The following SPC24 variants were observed in gnomAD, a reference collection of about 807,000 sequenced individuals.
The protein encoded by SPC24 is SPC24 component of NDC80 kinetochore complex.
SPC24 carries 31 observed loss-of-function variants against 27.6 expected under a neutral mutation model. That is an observed-to-expected ratio of 1.12 (90% confidence interval 0.84 to 1.52). The LOEUF is 1.52. Among genes scored for constraint, SPC24 ranks in the 40% most tolerant of loss-of-function variants. The pLI, the probability that SPC24 is intolerant of heterozygous loss-of-function variation, is 0.00. For missense variants in SPC24, 284 were observed against 252.5 expected (o/e 1.12, Z -0.84); for synonymous variants, 105 against 105.8 (o/e 0.99, Z 0.05).
chr19:11,150,607 C>T (rs1197495589), intron 1 of SPC24, among the ~76,000 whole-genome samples: 1 of 151,436 alleles, frequency 6.6e-6, no homozygotes, highest in African/African-American at 2.4e-5. Flanking sequence ...CCACCCTGGG[C>T]TATGTGGCAA....
rs2077838510 is a variant in SPC24 at position 11,147,872 on chromosome 19, G to C, written c.433C>G (p.Gln145Glu). The C allele has an allele frequency of 1.9e-6, 3 of 1,603,634 alleles. No homozygotes were observed. Among genetic ancestry groups the C allele is most frequent in the Non-Finnish European group, 2.6e-6 (3 of 1,175,034 alleles). Residue 145 changes from glutamine (Q) to glutamate (E), a missense_variant, in exon 4 of 5, where the codon CAA (glutamine) becomes GAA (glutamate). Gln to Glu is a conservative substitution (Grantham distance 29). Coordinates refer to ENST00000592540, the MANE Select transcript of SPC24 (RefSeq NM_182513.4). ...SAVYVAQLYH[Q>E]VSKIEWDYEC... ...TAATCCCACTCAATTTTACTAACTT[G>C]GTGGTAAAGTTGAGCCACGTACCTG...
intron 1 of SPC24, among the ~76,000 whole-genome samples, chr19:11,155,111 G>A (rs1390338983): frequency 1.3e-5 from 2 of 152,114 alleles, no homozygotes. Flanking sequence ...GCTTGAACCC[G>A]GGAGGTGGAG....
chr19:11,147,544 T>G, intron 4 of SPC24: 1 of 564,680 alleles, frequency 1.8e-6, no homozygotes. Context: ...TCTGCCCACC[T>G]CGGCCTCCCA....
chr19:11,147,626 G>T (rs2077836881), intron 4 of SPC24, 192 bp downstream of exon 4: 8 of 605,416 alleles, frequency 1.3e-5, no homozygotes, highest in Admixed American at 2.9e-5. Flanking sequence ...TATAGACGTG[G>T]GGTCTCACTG....
Position 11,147,204 on chromosome 19 carries a change from A to T in SPC24, c.573T>A (p.Ser191Arg). 1 of 1,554,418 alleles carries T rather than the reference A, an allele frequency of 6.4e-7. No individual in the cohort carries two copies. Among genetic ancestry groups the T allele is most frequent in the Non-Finnish European group, 8.7e-7 (1 of 1,148,564 alleles). The change falls in exon 5 of 5, where the codon AGT becomes AGA. Residue 191 changes from serine (S) to arginine (R), a missense_variant. Transcript: ENST00000592540. ...CTGGCTACCACTCGGTGTCCACCAG[A>T]CTCCAGAGGTAGTCGCTGATGAATT... ...SRKFISDYLWSLVDTEW is the reference protein window; with the variant it reads ...SRKFISDYLWRLVDTEW
In SPC24 at chr19:11,149,228, G is replaced by A. The variant is rs2077852287; in HGVS notation, c.171C>T (p.Thr57=). ...GAEKQLREIL[T]MEKEVAQSLL... ...GGCTCTGGGCCACTTCCTTCTCCATGGTGAGGATCTCTGCAGGGTGGAGAG... is the reference window on the plus strand; with the variant it reads ...GGCTCTGGGCCACTTCCTTCTCCATAGTGAGGATCTCTGCAGGGTGGAGAG... The change falls in exon 2 of 5, where the codon ACC becomes ACT. Residue 57 remains threonine (T), a synonymous_variant. Transcript: ENST00000592540. 1 of 1,546,732 alleles carries A rather than the reference G, an allele frequency of 6.5e-7. No homozygotes were observed. The highest frequency in any genetic ancestry group is 1.2e-5 in the South Asian group (1 of 83,342).
chr19:11,155,424 TG>T (rs1467773879), intron 1 of SPC24, among the ~76,000 whole-genome samples, 192 bp downstream of exon 1: 1 of 151,536 alleles, frequency 6.6e-6, no homozygotes, highest in Non-Finnish European at 1.5e-5. Context: ...CCCTGGGGGG[TG>T]GGGGATGGTT....
rs1307127595 is a variant in SPC24, at chr19:11,146,280, CT to C, written c.*902del. On this transcript the variant is annotated 3_prime_UTR_variant, in exon 5 of 5. Coordinates refer to ENST00000592540, the MANE Select transcript of SPC24 (RefSeq NM_182513.4). ...ACACCGTGGCACTCAAACATACCCC[CT>C]GAATGAGTAAGGGCCAACCTTGAAG... is the stretch of plus-strand genomic sequence containing the variant. 6.6e-6 allele frequency: 1 copy of C among 151,522 alleles called. No individual in the cohort carries two copies. The highest frequency in any genetic ancestry group is 1.9e-4 in the East Asian group (1 of 5,162). The allele number at this position is 151,522 out of a possible 1,614,324, so 9.4% of individuals were successfully genotyped here.
At chr19:11,154,952 G>A (rs1243543946) in intron 1 of SPC24, among the ~76,000 whole-genome samples, 6 of 152,164 alleles carry the variant, frequency 3.9e-5, no homozygotes, top group African/African-American at 1.4e-4. Flanking sequence ...TTGGGAGGCT[G>A]AGGCAGGCAG....
At chr19:11,148,798 A>C (rs985395507) in intron 2 of SPC24, among the ~76,000 whole-genome samples, 3 of 151,304 alleles carry the variant, frequency 2.0e-5, no homozygotes, top group Admixed American at 2.0e-4. Context: ...TTGTATTTTT[A>C]GTAGAGACGG....
intron 1 of SPC24, among the ~76,000 whole-genome samples, chr19:11,151,405 T>C (rs1281584304): frequency 6.6e-6 from 1 of 152,082 alleles, no homozygotes; most frequent in Non-Finnish European, 1.5e-5. Flanking sequence ...TCTTGATCGG[T>C]CTGGTTCGGA....
chr19:11,145,748 A>C lies in SPC24; in HGVS notation c.*1435T>G, dbSNP rs2077819182. The C allele has an allele frequency of 1.3e-5, 2 of 152,174 alleles. No individual in the cohort carries two copies. The highest frequency in any genetic ancestry group is 4.1e-4 in the South Asian group (2 of 4,832). The allele number at this position is 152,174 out of a possible 1,614,324, so 9.4% of individuals were successfully genotyped here. A position where few individuals can be genotyped will look rare whatever the true frequency, so the allele number is the denominator to read the frequency against. The stretch of plus-strand genomic sequence containing the variant: ...TCACACCCACATTCCAGGAAATAGG[A>C]AGGGGGAAGAAAGGGTGTATTTGTC... On this transcript the variant is annotated 3_prime_UTR_variant, in exon 5 of 5. Coordinates refer to ENST00000592540, the MANE Select transcript of SPC24 (RefSeq NM_182513.4).
chr19:11,149,140 G>C lies in SPC24; in HGVS notation c.259C>G (p.Leu87Val). 1 of 1,549,560 alleles carries C rather than the reference G, an allele frequency of 6.5e-7. No individual in the cohort carries two copies. Among genetic ancestry groups the C allele is most frequent in the South Asian group, 1.2e-5 (1 of 83,938 alleles). The change falls in exon 2 of 5, where the codon CTT becomes GTT. Residue 87 changes from leucine (L) to valine (V), a missense_variant. Leu to Val is a conservative substitution (Grantham distance 32). Transcript: ENST00000592540. Reference protein sequence around the residue: ...GVELQQLEAGLQEAGEEDTRL... With the variant: ...GVELQQLEAGVQEAGEEDTRL... ...GTGTCCTCCTCCCCAGCCTCCTGAA[G>C]CCCAGCTTCCAGCTGCTGCAGCTCC...
Position 11,147,247 on chromosome 19 carries a change from C to A in SPC24, c.530G>T (p.Ser177Ile), listed in dbSNP as rs968027339. Reference protein sequence around the residue: ...PSVAQPIHLDSTQLSRKFISD... With the variant: ...PSVAQPIHLDITQLSRKFISD... ...GATGAATTTCCTGGAGAGCTGGGTG[C>A]TGTCCAGGTGGATGGGCTGGGCCAC... Residue 177 changes from serine to isoleucine, a missense_variant, in exon 5 of 5, where the codon AGC (serine) becomes ATC (isoleucine). By Grantham distance (142) the Ser-to-Ile change is moderately radical. Coordinates refer to ENST00000592540, the MANE Select transcript of SPC24 (RefSeq NM_182513.4). 10 of 1,566,986 alleles carry A rather than the reference C, an allele frequency of 6.4e-6. No homozygotes were observed. In the African/African-American group the frequency reaches 1.1e-4, roughly 17 times the overall value.
intron 1 of SPC24, among the ~76,000 whole-genome samples, chr19:11,155,339 T>C (rs11670169): frequency 0.6 from 91,753 of 151,890 alleles, 28,645 homozygotes; most frequent in Non-Finnish European, 0.7. Flanking sequence ...GTTCAAACCC[T>C]GAGACCCCCA....
intron 1 of SPC24, among the ~76,000 whole-genome samples, chr19:11,152,940 G>T (rs1056491551): frequency 6.6e-6 from 1 of 151,694 alleles, no homozygotes; most frequent in Admixed American, 6.6e-5. Context: ...TGCAATCCAC[G>T]CTGCCAGGAA....
At chr19:11,150,928 C>T (rs1019196726) in intron 1 of SPC24, among the ~76,000 whole-genome samples, 8 of 152,172 alleles carry the variant, frequency 5.3e-5, no homozygotes, top group Non-Finnish European at 1.0e-4. Context: ...CTTTGGGAGG[C>T]CGAGGCAGGT....
chr19:11,155,487 C>T, intron 1 of SPC24, 130 bp downstream of exon 1: 2 of 1,107,124 alleles, frequency 1.8e-6, no homozygotes, highest in Non-Finnish European at 2.5e-6. Flanking sequence ...CAGAGGGGGC[C>T]GTCCCAGGGG....
chr19:11,154,549 C>G (rs566140164), intron 1 of SPC24, among the ~76,000 whole-genome samples: 5 of 152,208 alleles, frequency 3.3e-5, no homozygotes, highest in Middle Eastern at 3.4e-3. Context: ...ACAGTAAGTA[C>G]ACAAAATGAA....
Sources: allele counts gnomAD v4.1 joint callset (sites outside exome capture counted in the v4.1 genomes callset), GRCh38; gene constraint gnomAD v4.1.1; transcripts MANE v1.5; gene names NCBI Gene and HGNC (gene_info 2026-07-23, HGNC 2026-07-21).